PPP4R4: variants seen among roughly 807,000 people sequenced by gnomAD.
PPP4R4 encodes the protein serine/threonine-protein phosphatase 4 regulatory subunit 4.
Under a neutral mutation model 121.8 loss-of-function variants are expected in PPP4R4, and 70 were observed. That is an observed-to-expected ratio of 0.57 (90% CI 0.47 to 0.70). PPP4R4 has a LOEUF of 0.70. Among genes scored for constraint, PPP4R4 ranks in the 30% least tolerant of loss-of-function variants. The pLI is 0.00. For synonymous variants in PPP4R4, 348 were observed against 355.7 expected (o/e 0.98, Z 0.24); for missense variants, 875 against 1,033.6 (o/e 0.85, Z 2.10).
rs768707973 is a variant in PPP4R4 at position 94,244,681 on chromosome 14, T to A, written c.1313T>A (p.Leu438Gln). ...GGAGTATATTTAATACATAAAGAAC[T>A]AATAACATTATTACAAGATGAATCA... The part of the protein sequence containing the change: ...NSGVYLIHKE[L>Q]ITLLQDESLE... Residue 438 changes from leucine (L) to glutamine (Q), a missense_variant, in exon 12 of 25, where the codon CTA (leucine) becomes CAA (glutamine). Transcript: ENST00000304338. 1.3e-6 allele frequency: 2 copies of A among 1,494,930 alleles called. No homozygotes were observed. Among genetic ancestry groups the A allele is most frequent in the Admixed American group, 4.1e-5 (2 of 48,656 alleles). The allele number at this position is 1,494,930 out of a possible 1,614,324, so 92.6% of individuals were successfully genotyped here.
chr14:94,266,679 T>G (rs1411042481), intron 22 of PPP4R4, among the ~76,000 whole-genome samples: 1 of 152,130 alleles, frequency 6.6e-6, no homozygotes, highest in Non-Finnish European at 1.5e-5. Flanking sequence ...AAGATAAGTT[T>G]TGTTTCCAAG....
intron 2 of PPP4R4, among the ~76,000 whole-genome samples, chr14:94,184,986 T>C (rs572482458): frequency 1.1e-4 from 17 of 152,348 alleles, no homozygotes; most frequent in African/African-American, 3.8e-4. Flanking sequence ...AGCAGATACT[T>C]GTATTCAAGG....
intron 3 of PPP4R4, among the ~76,000 whole-genome samples, chr14:94,214,420 G>T (rs941959947): frequency 1.3e-5 from 2 of 151,792 alleles, no homozygotes; most frequent in Non-Finnish European, 2.9e-5. Flanking sequence ...TGCTCAGGAG[G>T]CTGGGGCCCA....
intron 15 of PPP4R4, 140 bp from the exon 16 acceptor site, chr14:94,251,609 A>G (rs1893181669): frequency 1.7e-6 from 1 of 583,386 alleles, no homozygotes; most frequent in African/African-American, 1.9e-5. Flanking sequence ...TAATAATGAT[A>G]TTTTTCCTCT....
In PPP4R4 at chr14:94,268,039, A is replaced by G. The variant is rs74074202; in HGVS notation, c.2449+1010A>G. ...TCGCAAGAAATAATTTGATAACAGA[A>G]AGTTGATTAACTAAAATTTTCCCCA... On this transcript the variant is annotated intron_variant, in intron 23 of 24. Coordinates refer to ENST00000304338, the MANE Select transcript of PPP4R4 (RefSeq NM_058237.2). Among the ~76,000 whole-genome samples the G allele has an allele frequency of 2.0e-5, 3 of 152,322 alleles. No individual in the cohort carries two copies. In the East Asian group the frequency reaches 5.8e-4, roughly 29 times the overall value.
intron 2 of PPP4R4, among the ~76,000 whole-genome samples, chr14:94,199,875 AC>A (rs1890081342): frequency 6.6e-6 from 1 of 152,102 alleles, no homozygotes; most frequent in Non-Finnish European, 1.5e-5. Context: ...ACGTCCAGCC[AC>A]TTGCGTCTCT....
At chr14:94,188,586 C>T (rs1889421121) in intron 2 of PPP4R4, among the ~76,000 whole-genome samples, 1 of 145,826 alleles carries the variant, frequency 6.9e-6, no homozygotes, top group Non-Finnish European at 1.5e-5. Context: ...TGTGTGTATA[C>T]ACACACACAC....
At chr14:94,268,890 A>G (rs1398281568) in intron 23 of PPP4R4, among the ~76,000 whole-genome samples, 3 of 152,182 alleles carry the variant, frequency 2.0e-5, no homozygotes, top group African/African-American at 7.2e-5. Flanking sequence ...TTGGGTAGCG[A>G]CACAGAGCCA....
chr14:94,182,549 T>A (rs1889050206), intron 2 of PPP4R4, among the ~76,000 whole-genome samples: 1 of 152,192 alleles, frequency 6.6e-6, no homozygotes, highest in Non-Finnish European at 1.5e-5. Context: ...GTATAGCTGC[T>A]TTTGCTCAAT....
intron 8 of PPP4R4, 78 bp downstream of exon 8, chr14:94,237,764 G>T: frequency 6.7e-7 from 1 of 1,492,478 alleles, no homozygotes; most frequent in Non-Finnish European, 9.1e-7. Context: ...AGGAATAAAA[G>T]TAGATTTAGA....
intron 16 of PPP4R4, among the ~76,000 whole-genome samples, chr14:94,253,265 G>C (rs182727064): frequency 3.9e-4 from 59 of 152,268 alleles, no homozygotes; most frequent in Non-Finnish European, 6.3e-4. Flanking sequence ...TTTGAGACCA[G>C]CCTGGCCAAC....
intron 13 of PPP4R4, 30 bp from the exon 14 acceptor site, chr14:94,246,327 A>C (rs1461887160): frequency 1.9e-6 from 3 of 1,570,650 alleles, no homozygotes; most frequent in African/African-American, 1.4e-5. Context: ...ATTTATTTAT[A>C]ATTGATTTTT....
At chr14:94,242,437 C>T (rs200726436) in intron 11 of PPP4R4, 29 bp downstream of exon 11, 31 of 1,583,646 alleles carry the variant, frequency 2.0e-5, no homozygotes, top group African/African-American at 1.3e-4. Context: ...TATCACTTTA[C>T]GTTTGTTGTT....
chr14:94,269,663 A>AC (rs1894222527), intron 23 of PPP4R4, among the ~76,000 whole-genome samples: 5 of 151,752 alleles, frequency 3.3e-5, no homozygotes, highest in South Asian at 2.1e-4. Context: ...TCCAGAAAAA[A>AC]AAAAAACAAA....
intron 2 of PPP4R4, among the ~76,000 whole-genome samples, chr14:94,192,258 C>T (rs749390697): frequency 1.3e-5 from 2 of 152,076 alleles, no homozygotes; most frequent in African/African-American, 4.8e-5. Flanking sequence ...TTTCATTTTA[C>T]AGGACTAACA....
chr14:94,199,569 G>C (rs556556534), intron 2 of PPP4R4, among the ~76,000 whole-genome samples: 1 of 152,260 alleles, frequency 6.6e-6, no homozygotes, highest in Non-Finnish European at 1.5e-5. Context: ...TGGAAGAATC[G>C]GATCACACGT....
At chr14:94,252,183 G>A (rs2007879) in intron 16 of PPP4R4, among the ~76,000 whole-genome samples, 31,092 of 151,964 alleles carry the variant, frequency 0.2, 3,703 homozygotes, top group East Asian at 0.59. Flanking sequence ...TGATTAGAAG[G>A]TTGAGTAGAT....
chr14:94,253,559 A>G (rs763736348), intron 16 of PPP4R4, among the ~76,000 whole-genome samples: 1 of 152,244 alleles, frequency 6.6e-6, no homozygotes, highest in Non-Finnish European at 1.5e-5. Context: ...TTGTGATTCT[A>G]TAAAAGCAAC....
chr14:94,192,711 A>T (rs1213975483), intron 2 of PPP4R4, among the ~76,000 whole-genome samples: 1 of 152,180 alleles, frequency 6.6e-6, no homozygotes, highest in Non-Finnish European at 1.5e-5. Context: ...TCTCAGATAT[A>T]GTACTGACTG....
Sources: gnomAD v4.1 joint callset for allele counts (sites outside exome capture counted in the v4.1 genomes callset) on GRCh38, gnomAD v4.1.1 for gene constraint, MANE v1.5 for transcripts, NCBI Gene and HGNC (gene_info 2026-07-23, HGNC 2026-07-21) for gene names.